Variants in C12orf54 observed in about 807,000 individuals in gnomAD.
C12orf54 encodes uncharacterized protein C12orf54.
Under a neutral mutation model 26.4 loss-of-function variants are expected in C12orf54, and 24 were observed. The ratio of observed to expected loss-of-function variants is 0.91; its 90% confidence interval spans 0.66 to 1.28. C12orf54 has a LOEUF of 1.28. Among genes scored for constraint, C12orf54 ranks in the 50% most tolerant of loss-of-function variants. The probability of loss-of-function intolerance (pLI) is 0.00; values close to 1 mark genes in which losing one functional copy is unlikely to be tolerated. For synonymous variants in C12orf54, 54 were observed against 47.0 expected (o/e 1.15, Z -0.61); for missense variants, 154 against 150.9 (o/e 1.02, Z -0.11).
the C12orf54 span, among the ~76,000 whole-genome samples, chr12:48,448,420 A>T: frequency 1.3e-5 from 2 of 152,244 alleles, no homozygotes; most frequent in Admixed American, 1.3e-4. Flanking sequence ...TTAGAAATTT[A>T]TCCAGGTTGA....
At position 48,495,303 on chromosome 12, in the gene C12orf54, A is replaced by G. The variant is rs146514013; in HGVS notation, c.*40+324A>G. ...TCAGGGACAGACAATTGTTGGATAA[A>G]GAGATGGAAAGGTGGAAAGTTTTAA... On this transcript the variant is annotated intron_variant, in intron 8 of 8. Coordinates refer to ENST00000548364, the MANE Select transcript of C12orf54 (RefSeq NM_152319.4). Among the ~76,000 whole-genome samples the G allele has an allele frequency of 2.6e-3, 396 of 152,292 alleles. 2 individuals carry two copies. Among genetic ancestry groups the G allele is most frequent in the Admixed American group, 6.1e-3 (93 of 15,304 alleles).
At chr12:48,459,253 G>A in the C12orf54 span, among the ~76,000 whole-genome samples, 1 of 152,246 alleles carries the variant, frequency 6.6e-6, no homozygotes, top group South Asian at 2.1e-4. Flanking sequence ...GAGGTAATCA[G>A]GAATGCTTTC....
At chr12:48,494,630 T>C (rs1937870066) in intron 7 of C12orf54, among the ~76,000 whole-genome samples, 168 bp from the exon 8 acceptor site, 1 of 152,158 alleles carries the variant, frequency 6.6e-6, no homozygotes, top group African/African-American at 2.4e-5. Flanking sequence ...AAGAGCTTTT[T>C]CCTGTGAGCC....
chr12:48,447,266 G>A, the C12orf54 span, among the ~76,000 whole-genome samples: 1 of 146,092 alleles, frequency 6.8e-6, no homozygotes, highest in Non-Finnish European at 1.5e-5. Context: ...ACCCCATGAT[G>A]ACACCGTGAG....
rs1430059247 is a variant in C12orf54, at chr12:48,486,215, A to T, written c.96+7A>T. On this transcript the variant is annotated splice_region_variant and intron_variant, in intron 3 of 8. Transcript: ENST00000548364. ...AGAGACAATGAGACCACAGGTGGGT[A>T]AGGTATCCAAATTCTCTGGATCCTC... is the stretch of plus-strand genomic sequence containing the variant. 1 of 1,608,490 alleles carries T rather than the reference A, an allele frequency of 6.2e-7. No individual in the cohort carries two copies. The highest frequency in any genetic ancestry group is 8.5e-7 in the Non-Finnish European group (1 of 1,175,062).
chr12:48,445,028 A>G, the C12orf54 span, among the ~76,000 whole-genome samples: 13 of 152,120 alleles, frequency 8.5e-5, no homozygotes, highest in African/African-American at 3.1e-4. Context: ...AAAATTAGCC[A>G]GGCGTGGTGG....
chr12:48,481,301 A>T (rs770612945), upstream of C12orf54, among the ~76,000 whole-genome samples: 4 of 152,246 alleles, frequency 2.6e-5, no homozygotes, highest in South Asian at 2.1e-4. Flanking sequence ...TGGCCATGAA[A>T]GGGTAAAAGT....
At chr12:48,487,929 A>G (rs1937689315) in intron 4 of C12orf54, 1 of 638,090 alleles carries the variant, frequency 1.6e-6, no homozygotes, top group Non-Finnish European at 2.8e-6. Flanking sequence ...CTGGCCCTGG[A>G]TCCTATAGCC....
chr12:48,483,603 G>T (rs887204552), intron 2 of C12orf54: 8 of 451,096 alleles, frequency 1.8e-5, no homozygotes, highest in Non-Finnish European at 3.2e-5. Context: ...GGGGTTGGCG[G>T]GGTATACAAA....
the C12orf54 span, chr12:48,472,669 A>G: frequency 1.9e-6 from 3 of 1,614,118 alleles, no homozygotes; most frequent in South Asian, 3.3e-5. Flanking sequence ...TGAGAGATGG[A>G]GATGGGCAAA....
the C12orf54 span, among the ~76,000 whole-genome samples, chr12:48,454,415 T>G: frequency 1.3e-5 from 2 of 152,054 alleles, no homozygotes; most frequent in African/African-American, 4.8e-5. Flanking sequence ...GTTCTTTAAT[T>G]CGATTAATCA....
the C12orf54 span, among the ~76,000 whole-genome samples, chr12:48,466,723 C>T: frequency 1.3e-5 from 2 of 152,094 alleles, no homozygotes; most frequent in Non-Finnish European, 1.5e-5. Context: ...ATCTCATACA[C>T]TGGTAGTAGG....
At chr12:48,413,564 G>A in the C12orf54 span, among the ~76,000 whole-genome samples, 6 of 152,140 alleles carry the variant, frequency 3.9e-5, no homozygotes, top group Non-Finnish European at 7.4e-5. Flanking sequence ...CTGCGCTCCC[G>A]TGGAGTGGGA....
At chr12:48,421,562 C>A in the C12orf54 span, among the ~76,000 whole-genome samples, 2 of 133,642 alleles carry the variant, frequency 1.5e-5, no homozygotes, top group East Asian at 5.1e-4. Context: ...TGGAGTCTCA[C>A]CCTGTCAGCC....
the C12orf54 span, among the ~76,000 whole-genome samples, chr12:48,421,414 T>C: frequency 6.6e-6 from 1 of 151,370 alleles, no homozygotes; most frequent in South Asian, 2.1e-4. Flanking sequence ...AGGATCCAGT[T>C]ACCTCCCACT....
chr12:48,448,764 G>A, the C12orf54 span, among the ~76,000 whole-genome samples: 511 of 152,322 alleles, frequency 3.4e-3, 2 homozygotes, highest in Non-Finnish European at 5.8e-3. Context: ...TTCTGTTGAT[G>A]AAGAGTCTAA....
rs1412397572 is a variant in C12orf54, at chr12:48,483,268, C to T, written c.-29C>T. On this transcript the variant is annotated 5_prime_UTR_variant, in exon 2 of 9. Transcript: ENST00000548364. ...CTGGAGCTATCTCCATCTTCAGCTC[C>T]AGAGTCCTTGGTTTCTGTCTGAGAA... 2 of 1,609,380 alleles carry T rather than the reference C, an allele frequency of 1.2e-6. No homozygotes were observed. Among genetic ancestry groups the T allele is most frequent in the African/African-American group, 1.3e-5 (1 of 74,832 alleles).
At chr12:48,413,558 G>A in the C12orf54 span, among the ~76,000 whole-genome samples, 4 of 152,172 alleles carry the variant, frequency 2.6e-5, no homozygotes, top group African/African-American at 7.2e-5. Context: ...AGCATGCTGC[G>A]CTCCCGTGGA....
chr12:48,425,868 A>G, the C12orf54 span, among the ~76,000 whole-genome samples: 19,949 of 149,932 alleles, frequency 0.13, 2,654 homozygotes, highest in East Asian at 0.66. Flanking sequence ...CTGGCCACAT[A>G]TATATCTTCT....
Sources: gnomAD v4.1 joint callset for allele counts (sites outside exome capture counted in the v4.1 genomes callset) on GRCh38, gnomAD v4.1.1 for gene constraint, MANE v1.5 for transcripts, NCBI Gene and HGNC (gene_info 2026-07-23, HGNC 2026-07-21) for gene names.